Variants in DTNB observed in about 807,000 individuals in gnomAD.
DTNB encodes DTN-B.
A neutral mutation model predicts 90.7 loss-of-function variants in DTNB; 63 were observed. The ratio of observed to expected loss-of-function variants is 0.69; its 90% CI spans 0.57 to 0.86. The LOEUF is 0.86. Among genes scored for constraint, DTNB ranks in the 40% least tolerant of loss-of-function variants. The probability of loss-of-function intolerance (pLI) is 0.00; values close to 1 mark genes in which losing one functional copy is unlikely to be tolerated. For missense variants in DTNB, 744 were observed against 807.1 expected (o/e 0.92, Z 0.95); for synonymous variants, 277 against 286.7 (o/e 0.97, Z 0.34).
At chr2:25,388,807 T>C (rs2040274741) in intron 16 of DTNB, among the ~76,000 whole-genome samples, 1 of 143,380 alleles carries the variant, frequency 7.0e-6, no homozygotes, top group Admixed American at 6.9e-5. Context: ...AGGACATACG[T>C]GTGTGTGTGT....
intron 1 of DTNB, among the ~76,000 whole-genome samples, chr2:25,666,104 A>G (rs1344049268): frequency 1.3e-5 from 2 of 152,226 alleles, no homozygotes; most frequent in African/African-American, 2.4e-5. Context: ...TTTCAGCCCT[A>G]TTTTAACTTA....
intron 9 of DTNB, among the ~76,000 whole-genome samples, chr2:25,491,605 A>G (rs558557625): frequency 9.9e-5 from 15 of 152,052 alleles, no homozygotes; most frequent in Non-Finnish European, 2.2e-4. Context: ...TTTGGTGGAT[A>G]TATTTGTAGC....
chr2:25,546,843 CT>C (rs930703040), intron 8 of DTNB, among the ~76,000 whole-genome samples: 201 of 145,374 alleles, frequency 1.4e-3, no homozygotes, highest in South Asian at 1.7e-3. Context: ...ATCTTCTATT[CT>C]TTTTTTTTTT....
At chr2:25,579,253 T>C (rs1174933233) in intron 7 of DTNB, among the ~76,000 whole-genome samples, 2 of 152,250 alleles carry the variant, frequency 1.3e-5, no homozygotes, top group African/African-American at 4.8e-5. Flanking sequence ...AATCCTGTTT[T>C]AAAAATTTTG....
At chr2:25,554,785 T>C (rs1459927155) in intron 8 of DTNB, among the ~76,000 whole-genome samples, 1 of 152,224 alleles carries the variant, frequency 6.6e-6, no homozygotes, top group Non-Finnish European at 1.5e-5. Context: ...GTAGGGTACA[T>C]GCACCATGAT....
At chr2:25,421,433 G>A (rs954775914) in intron 15 of DTNB, among the ~76,000 whole-genome samples, 34 of 152,230 alleles carry the variant, frequency 2.2e-4, no homozygotes, top group African/African-American at 7.2e-4. Flanking sequence ...TCTGGCAGCG[G>A]GAAGGAATTA....
chr2:25,523,600 C>T (rs1178058795), intron 9 of DTNB, among the ~76,000 whole-genome samples: 2 of 145,338 alleles, frequency 1.4e-5, no homozygotes, highest in Non-Finnish European at 3.0e-5. Context: ...GAGATCACAC[C>T]AGTGCACTCC....
At chr2:25,510,444 A>C (rs2073687641) in intron 9 of DTNB, among the ~76,000 whole-genome samples, 1 of 151,402 alleles carries the variant, frequency 6.6e-6, no homozygotes, top group Non-Finnish European at 1.5e-5. Flanking sequence ...TTCTTACGTG[A>C]GTTCAAGTTC....
At position 25,544,477 on chromosome 2, in the gene DTNB, C is replaced by A. The variant is rs2082018334; in HGVS notation, c.877-12880G>T. Among the ~76,000 whole-genome samples the A allele has an allele frequency of 2.6e-5, 4 of 152,118 alleles. No homozygotes were observed. The South Asian group carries it at 8.3e-4, about 32-fold the overall frequency. On this transcript the variant is annotated intron_variant, in intron 8 of 20. Coordinates refer to ENST00000406818, the MANE Select transcript of DTNB (RefSeq NM_021907.5). ...AAGCTCAGGATTGGTGACTTTGAGG[C>A]CATTCCTGTCATTTTCACTTCCAAT...
At chr2:25,636,027 T>A (rs1039639935) in intron 3 of DTNB, among the ~76,000 whole-genome samples, 1 of 152,214 alleles carries the variant, frequency 6.6e-6, no homozygotes, top group Non-Finnish European at 1.5e-5. Context: ...TATGTTCATA[T>A]TCAATGAATG....
intron 9 of DTNB, among the ~76,000 whole-genome samples, chr2:25,489,930 T>C (rs2067006019): frequency 6.6e-6 from 1 of 152,090 alleles, no homozygotes; most frequent in Non-Finnish European, 1.5e-5. Flanking sequence ...ATGGGTAAAG[T>C]AAAAATACAT....
In DTNB at chr2:25,379,338, G is replaced by T; in HGVS notation, c.1880-15C>A. 1 of 1,314,276 alleles carries T rather than the reference G, an allele frequency of 7.6e-7. No homozygotes were observed. The highest frequency in any genetic ancestry group is 9.8e-7 in the Non-Finnish European group (1 of 1,022,302). The allele number at this position is 1,314,276 out of a possible 1,614,324, so 81.4% of individuals were successfully genotyped here. ...CCTCTGCTAACCTGTGGCAGCATGG[G>T]CAGAAACAACACACTGAGGTCACGG... On this transcript the variant is annotated splice_polypyrimidine_tract_variant and intron_variant, in intron 19 of 20. Coordinates refer to ENST00000406818, the MANE Select transcript of DTNB (RefSeq NM_021907.5).
chr2:25,459,122 C>A (rs2150188157), intron 10 of DTNB, among the ~76,000 whole-genome samples: 1 of 151,152 alleles, frequency 6.6e-6, no homozygotes, highest in Admixed American at 6.6e-5. Context: ...ATAGTTTTCT[C>A]TTTGTTTATC....
At chr2:25,427,094 C>G in intron 15 of DTNB, among the ~76,000 whole-genome samples, 1 of 151,870 alleles carries the variant, frequency 6.6e-6, no homozygotes, top group Non-Finnish European at 1.5e-5. Flanking sequence ...AGGAGAATCA[C>G]TTGAACCTGG....
In DTNB at chr2:25,531,663, A is replaced by G. The variant is rs1013426407; in HGVS notation, c.877-66T>C. The G allele has an allele frequency of 3.2e-6, 5 of 1,549,456 alleles. No homozygotes were observed. The African/African-American group carries it at 7.0e-5, about 22-fold the overall frequency. ...AAGAATGAAAGGAACTTCAAAAAAG[A>G]AAAAAACTTTGTGACAAGAGTGTAA... On this transcript the variant is annotated intron_variant, in intron 8 of 20. Transcript: ENST00000406818.
At chr2:25,606,759 T>TA (rs1339260375) in intron 5 of DTNB, among the ~76,000 whole-genome samples, 1 of 152,036 alleles carries the variant, frequency 6.6e-6, no homozygotes, top group Non-Finnish European at 1.5e-5. Context: ...GGAATTTTTT[T>TA]AAAAAAACAG....
Position 25,576,681 on chromosome 2 carries a change from G to A in DTNB, c.876+157C>T, listed in dbSNP as rs1374135685. On this transcript the variant is annotated intron_variant, in intron 8 of 20. Coordinates refer to ENST00000406818, the MANE Select transcript of DTNB (RefSeq NM_021907.5). ...TCTGCTTTTAAAATCAAGTGAGGAA[G>A]CACAACATTTTTGCAATCCTGGCAT... The A allele has an allele frequency of 9.7e-6, 9 of 924,326 alleles. No individual in the cohort carries two copies. The East Asian group carries it at 2.2e-4, about 22-fold the overall frequency. The allele number at this position is 924,326 out of a possible 1,614,324, so 57.3% of individuals were successfully genotyped here. A position where few individuals can be genotyped will look rare whatever the true frequency, so the allele number is the denominator to read the frequency against.
intron 8 of DTNB, among the ~76,000 whole-genome samples, chr2:25,568,097 G>A (rs762423893): frequency 6.6e-6 from 1 of 151,728 alleles, no homozygotes; most frequent in Non-Finnish European, 1.5e-5. Context: ...AGTAGAGGTT[G>A]CAGTGAGCCA....
chr2:25,638,948 G>T, intron 3 of DTNB, 66 bp downstream of exon 3: 1 of 1,395,238 alleles, frequency 7.2e-7, no homozygotes. Context: ...ACTAAAAGAT[G>T]TTAAAGTCTT....
Sources: gnomAD v4.1 joint callset for allele counts (sites outside exome capture counted in the v4.1 genomes callset) on GRCh38, gnomAD v4.1.1 for gene constraint, MANE v1.5 for transcripts, NCBI Gene and HGNC (gene_info 2026-07-23, HGNC 2026-07-21) for gene names.